Variants in PAPOLG observed in about 807,000 individuals in gnomAD.
The protein encoded by PAPOLG is PAP-gamma.
A neutral mutation model predicts 99.0 loss-of-function variants in PAPOLG; 40 were observed. The observed-to-expected ratio is 0.40, with a 90% CI of 0.31 to 0.53. The LOEUF is 0.53. Ranked by LOEUF, PAPOLG falls within the 20% of genes least tolerant of loss-of-function variation. The pLI, the probability that PAPOLG is intolerant of heterozygous loss-of-function variation, is 0.41. For synonymous variants in PAPOLG, 310 were observed against 299.3 expected (o/e 1.04, Z -0.37); for missense variants, 675 against 884.1 (o/e 0.76, Z 3.00).
chr2:60,757,704 T>C (rs1316019208), intron 1 of PAPOLG, among the ~76,000 whole-genome samples: 1 of 152,246 alleles, frequency 6.6e-6, no homozygotes, highest in East Asian at 1.9e-4. Flanking sequence ...TTTCTAAGTT[T>C]TTAATGTTAC....
chr2:60,778,092 A>G (rs145526125), intron 8 of PAPOLG, among the ~76,000 whole-genome samples: 1 of 152,332 alleles, frequency 6.6e-6, no homozygotes, highest in East Asian at 1.9e-4. Context: ...AAAACTCAGT[A>G]TCTGTGAAGT....
intron 13 of PAPOLG, among the ~76,000 whole-genome samples, chr2:60,783,790 G>T (rs1671274681): frequency 6.6e-6 from 1 of 152,050 alleles, no homozygotes; most frequent in African/African-American, 2.4e-5. Context: ...TGATTGTTGT[G>T]CATGACCATG....
In PAPOLG at chr2:60,787,514, C is replaced by A; in HGVS notation, c.1290C>A (p.Asn430Lys). 1 of 1,609,826 alleles carries A rather than the reference C, an allele frequency of 6.2e-7. No homozygotes were observed. The highest frequency in any genetic ancestry group is 8.5e-7 in the Non-Finnish European group (1 of 1,178,798). Reference protein sequence around the residue: ...FPGNKEHHKDNNYVSMWFLGI... With the variant: ...FPGNKEHHKDKNYVSMWFLGI... ...ATTCTTAAATTTTACTTTATAGCAA[C>A]AATTACGTATCAATGTGGTTCCTTG... is the stretch of plus-strand genomic sequence containing the variant. Residue 430 changes from asparagine to lysine, a missense_variant, in exon 15 of 22, where the codon AAC becomes AAA. Asn to Lys is a moderately conservative substitution (Grantham distance 94, BLOSUM62 0). Around this residue, in one of 3 missense-constraint regions of PAPOLG, gnomAD observed 413 missense variants for 460.5 expected, o/e 0.90. Transcript: ENST00000238714.
At chr2:60,793,311 C>G (rs187725018) in intron 17 of PAPOLG, among the ~76,000 whole-genome samples, 2 of 148,014 alleles carry the variant, frequency 1.4e-5, no homozygotes, top group Admixed American at 1.3e-4. Flanking sequence ...AATTTCAGCA[C>G]TTTGGGAGGC....
At position 60,794,211 on chromosome 2, in the gene PAPOLG, G is replaced by A. The variant is rs766524754; in HGVS notation, c.1989+20G>A. On this transcript the variant is annotated intron_variant, in intron 19 of 21. Transcript: ENST00000238714. The stretch of plus-strand genomic sequence containing the variant: ...GAAAAGGTAAAGTTACAACTTTAGT[G>A]GTAATTCAGTAGTTGATATTTTTTA... 2 of 1,601,908 alleles carry A rather than the reference G, an allele frequency of 1.2e-6. No homozygotes were observed. The highest frequency in any genetic ancestry group is 2.2e-5 in the East Asian group (1 of 44,676).
At chr2:60,764,038 A>G (rs994670511) in intron 3 of PAPOLG, among the ~76,000 whole-genome samples, 3 of 152,072 alleles carry the variant, frequency 2.0e-5, no homozygotes, top group Non-Finnish European at 4.4e-5. Context: ...CCTGACCTCA[A>G]GTAATCCATT....
intron 15 of PAPOLG, among the ~76,000 whole-genome samples, chr2:60,791,118 G>A (rs1671519254): frequency 6.6e-6 from 1 of 152,052 alleles, no homozygotes. Flanking sequence ...CTTAGACCTG[G>A]GCAAGTAGTT....
chr2:60,760,380 C>G lies in PAPOLG; in HGVS notation c.179+85C>G, dbSNP rs958571795. 22 of 1,273,314 alleles carry G rather than the reference C, an allele frequency of 1.7e-5. No homozygotes were observed. In the African/African-American group the frequency reaches 2.3e-4, roughly 13 times the overall value. The allele number at this position is 1,273,314 out of a possible 1,614,324, so 78.9% of individuals were successfully genotyped here. A position where few individuals can be genotyped will look rare whatever the true frequency, so the allele number is the denominator to read the frequency against. ...AACATATTGAATACCTACTGTGTCT[C>G]TAGATACAGGTGCAGAAATGACAAA... is the stretch of plus-strand genomic sequence containing the variant. On this transcript the variant is annotated intron_variant, in intron 2 of 21. Coordinates refer to ENST00000238714, the MANE Select transcript of PAPOLG (RefSeq NM_022894.4).
chr2:60,772,720 C>T (rs1670892592), intron 7 of PAPOLG, among the ~76,000 whole-genome samples: 3 of 151,970 alleles, frequency 2.0e-5, no homozygotes, highest in African/African-American at 7.3e-5. Context: ...CACAATCCAG[C>T]CAGGGTGACA....
chr2:60,794,746 ACTG>A lies in PAPOLG; in HGVS notation c.2030_2032del (p.Ala677del). The A allele has an allele frequency of 6.2e-7, 1 of 1,611,220 alleles. No homozygotes were observed. Among genetic ancestry groups the A allele is most frequent in the Non-Finnish European group, 8.5e-7 (1 of 1,177,476 alleles). Reference sequence around the variant, plus strand: ...TGAATCAACATTTAAGGACCCCCGCACTGCTGAAGAAAGAAAAAGAAAATCAGT... The same window carrying A: ...TGAATCAACATTTAAGGACCCCCGCACTGAAGAAAGAAAAAGAAAATCAGT... On this transcript the variant is annotated inframe_deletion, in exon 20 of 22. Transcript: ENST00000238714.
At chr2:60,794,236 A>G (rs968553053) in intron 19 of PAPOLG, 45 bp downstream of exon 19, 23 of 1,550,412 alleles carry the variant, frequency 1.5e-5, no homozygotes, top group Non-Finnish European at 1.9e-5. Flanking sequence ...GATATTTTTT[A>G]TAGTTAATAC....
At chr2:60,786,092 A>C (rs1410062233) in intron 13 of PAPOLG, among the ~76,000 whole-genome samples, 1 of 152,104 alleles carries the variant, frequency 6.6e-6, no homozygotes, top group Non-Finnish European at 1.5e-5. Flanking sequence ...TTTTAAATGA[A>C]CATGTAAAGA....
At chr2:60,790,961 C>T (rs11694903) in intron 15 of PAPOLG, among the ~76,000 whole-genome samples, 15,676 of 152,006 alleles carry the variant, frequency 0.1, 788 homozygotes, top group Middle Eastern at 0.14. Context: ...TGGTGCCATG[C>T]GCTTCTAGTC....
chr2:60,781,781 G>A, intron 10 of PAPOLG, 104 bp from the exon 11 acceptor site: 1 of 1,447,876 alleles, frequency 6.9e-7, no homozygotes, highest in Non-Finnish European at 9.5e-7. Context: ...TTGAGGAAAT[G>A]TAGTATTAAA....
At position 60,799,609 on chromosome 2, in the gene PAPOLG, T is replaced by G. The variant is rs916454877; in HGVS notation, c.*2449T>G. The G allele has an allele frequency of 6.7e-6, 1 of 149,116 alleles. No homozygotes were observed. The highest frequency in any genetic ancestry group is 1.5e-5 in the Non-Finnish European group (1 of 67,926). The allele number at this position is 149,116 out of a possible 1,614,324, so 9.2% of individuals were successfully genotyped here. On this transcript the variant is annotated 3_prime_UTR_variant, in exon 22 of 22. Coordinates refer to ENST00000238714, the MANE Select transcript of PAPOLG (RefSeq NM_022894.4). ...GAGAGGCACTAAGTACATGTGTTTG[T>G]TTTGTTTTGTTTTGTTTTGTTTTGT...
Position 60,797,774 on chromosome 2 carries a change from G to A in PAPOLG, c.*614G>A, listed in dbSNP as rs1483872990. 6.6e-6 allele frequency: 1 copy of A among 152,320 alleles called. No homozygotes were observed. Among genetic ancestry groups the A allele is most frequent in the African/African-American group, 2.4e-5 (1 of 41,282 alleles). 9.4% of individuals were successfully genotyped at this position (152,320 alleles called of 1,614,324 possible). A position where few individuals can be genotyped will look rare whatever the true frequency, so the allele number is the denominator to read the frequency against. On this transcript the variant is annotated 3_prime_UTR_variant, in exon 22 of 22. Transcript: ENST00000238714. ...GCACATGAAATATTTAAACTTTTTT[G>A]TGTGCCTTTCTGTCCAAATGTTGCA... is the stretch of plus-strand genomic sequence containing the variant.
Position 60,782,673 on chromosome 2 carries a change from T to TTTTTTTTTTTTTTTG in PAPOLG, c.1028-8_1028-7insTTTTTTTTTGTTTTT. 7.1e-7 allele frequency: 1 copy of TTTTTTTTTTTTTTTG among 1,403,312 alleles called. No homozygotes were observed. The highest frequency in any genetic ancestry group is 1.4e-5 in the South Asian group (1 of 69,868). 86.9% of individuals were successfully genotyped at this position (1,403,312 alleles called of 1,614,324 possible). A position where few individuals can be genotyped will look rare whatever the true frequency, so the allele number is the denominator to read the frequency against. ...TTCTTCTTTTTTTTTTTTTTTTTTT[T>TTTTTTTTTTTTTTTG]TTTTTAATTTAGGTCTTGCAGTCAC... On this transcript the variant is annotated splice_polypyrimidine_tract_variant and intron_variant, in intron 11 of 21. Coordinates refer to ENST00000238714, the MANE Select transcript of PAPOLG (RefSeq NM_022894.4).
chr2:60,796,870 AAAG>A (rs1305261201), intron 21 of PAPOLG, among the ~76,000 whole-genome samples, 189 bp from the exon 22 acceptor site: 1 of 152,112 alleles, frequency 6.6e-6, no homozygotes, highest in Non-Finnish European at 1.5e-5. Context: ...CTGACTGTAA[AAAG>A]AAGTAGCAGT....
At chr2:60,756,628 C>A in intron 1 of PAPOLG, 133 bp downstream of exon 1, 1 of 1,015,414 alleles carries the variant, frequency 9.8e-7, no homozygotes, top group Non-Finnish European at 1.4e-6. Context: ...CTTCCCGGCT[C>A]CCGGCCGGTC....
Sources: gnomAD v4.1 joint callset for allele counts (sites outside exome capture counted in the v4.1 genomes callset) on GRCh38, gnomAD v4.1.1 for gene constraint, gnomAD v4.1.1 regional missense constraint, MANE v1.5 for transcripts, NCBI Gene and HGNC (gene_info 2026-07-23, HGNC 2026-07-21) for gene names.